SLC15A5: variants seen among roughly 807,000 people sequenced by gnomAD.
The protein encoded by SLC15A5 is Peptide/histidine transporter ENSP00000340402.
In SLC15A5, 58 loss-of-function variants were observed where a neutral mutation model predicts 56.1. The observed-to-expected ratio is 1.03, with a 90% CI of 0.84 to 1.29. The LOEUF (loss-of-function observed/expected upper bound fraction) is 1.29, where lower values mean the gene tolerates loss of function less well. Ranked by LOEUF, SLC15A5 falls within the 50% of genes most tolerant of loss-of-function variation. The pLI is 0.00. For missense variants in SLC15A5, 681 were observed against 672.1 expected (o/e 1.01, Z -0.15); for synonymous variants, 264 against 250.5 (o/e 1.05, Z -0.51).
chr12:16,260,943 A>G (rs921454503), intron 2 of SLC15A5, among the ~76,000 whole-genome samples: 1 of 152,142 alleles, frequency 6.6e-6, no homozygotes, highest in African/African-American at 2.4e-5. Context: ...GTTGAAAATC[A>G]ATTGACCATA....
At chr12:16,251,116 A>T in intron 3 of SLC15A5, among the ~76,000 whole-genome samples, 1 of 152,006 alleles carries the variant, frequency 6.6e-6, no homozygotes, top group Admixed American at 6.6e-5. Flanking sequence ...ATCACAAGGG[A>T]ATTTAGAAAA....
At chr12:16,228,809 A>G (rs1864267888) in intron 5 of SLC15A5, among the ~76,000 whole-genome samples, 1 of 149,388 alleles carries the variant, frequency 6.7e-6, no homozygotes, top group Non-Finnish European at 1.5e-5. Context: ...AGAATACACT[A>G]TGTAATACAT....
At chr12:16,250,202 T>C (rs1864506212) in intron 3 of SLC15A5, among the ~76,000 whole-genome samples, 1 of 151,988 alleles carries the variant, frequency 6.6e-6, no homozygotes, top group Non-Finnish European at 1.5e-5. Flanking sequence ...AGCTTAACAA[T>C]AACAAACACT....
At chr12:16,219,440 A>C (rs1253313578) in intron 6 of SLC15A5, among the ~76,000 whole-genome samples, 1 of 152,228 alleles carries the variant, frequency 6.6e-6, no homozygotes, top group African/African-American at 2.4e-5. Context: ...GGAGACAAGC[A>C]ATGAGCAGAA....
At chr12:16,199,304 C>CAAAAAAAA (rs10687463) in intron 7 of SLC15A5, among the ~76,000 whole-genome samples, 2 of 91,336 alleles carry the variant, frequency 2.2e-5, no homozygotes, top group African/African-American at 8.5e-5. Flanking sequence ...TAGACTGTCT[C>CAAAAAAAA]AAAAAAAAAA....
intron 7 of SLC15A5, among the ~76,000 whole-genome samples, chr12:16,211,913 C>A (rs1336706158): frequency 6.6e-6 from 1 of 152,144 alleles, no homozygotes; most frequent in African/African-American, 2.4e-5. Flanking sequence ...ACACCATTCT[C>A]CATTATGGTG....
At chr12:16,232,583 G>GA (rs1591650003) in intron 5 of SLC15A5, among the ~76,000 whole-genome samples, 1 of 152,024 alleles carries the variant, frequency 6.6e-6, no homozygotes, top group Non-Finnish European at 1.5e-5. Flanking sequence ...TTCCGTTTAG[G>GA]AAAAAAAGAT....
At position 16,189,187 on chromosome 12, in the gene SLC15A5, A is replaced by C. The variant is rs1358977349; in HGVS notation, c.*481T>G. On this transcript the variant is annotated 3_prime_UTR_variant, in exon 9 of 9. Coordinates refer to ENST00000344941, the MANE Select transcript of SLC15A5 (RefSeq NM_001170798.1). ...CATAATATTAACAGCAAATATAGAA[A>C]ATCATGTATATGTTTATTATTTACT... 6.6e-6 allele frequency: 1 copy of C among 152,212 alleles called. No individual in the cohort carries two copies. The highest frequency in any genetic ancestry group is 1.5e-5 in the Non-Finnish European group (1 of 68,048). 9.4% of individuals were successfully genotyped at this position (152,212 alleles called of 1,614,324 possible).
rs1864367119 is a variant in SLC15A5 at position 16,237,870 on chromosome 12, G to T, written c.1162+1811C>A. 6.6e-6 allele frequency among the ~76,000 whole-genome samples: 1 copy of T among 152,062 alleles called. No homozygotes were observed. The highest frequency in any genetic ancestry group is 2.1e-4 in the South Asian group (1 of 4,822). The stretch of plus-strand genomic sequence containing the variant: ...CCTGCATGCATTATGTTTCAATCAT[G>T]GACTTGCTGAAGGTATATACAAACC... On this transcript the variant is annotated intron_variant, in intron 5 of 8. Transcript: ENST00000344941. The surrounding 1 kb of genome is among the most constrained non-coding windows in gnomAD (Gnocchi z 4.1).
rs1757310055 is a variant in SLC15A5 at position 16,196,406 on chromosome 12, GC to G, written c.1484-1954del. On this transcript the variant is annotated intron_variant, in intron 7 of 8. Transcript: ENST00000344941. The surrounding 1 kb of genome is among the most constrained non-coding windows in gnomAD (Gnocchi z 4.0). ...TGTGTGTGTGCATGTGTGTGTGTGT[GC>G]CCGTGCATGTGTGCACACAGGAACT... is the stretch of plus-strand genomic sequence containing the variant. Among the ~76,000 whole-genome samples the G allele has an allele frequency of 6.6e-6, 1 of 151,966 alleles. No individual in the cohort carries two copies. The highest frequency in any genetic ancestry group is 1.5e-5 in the Non-Finnish European group (1 of 67,958).
chr12:16,240,136 A>G (rs1017616508), intron 4 of SLC15A5, among the ~76,000 whole-genome samples: 18 of 152,196 alleles, frequency 1.2e-4, no homozygotes, highest in African/African-American at 4.1e-4. Flanking sequence ...AAAAGTAATG[A>G]TGGCCCCAAT....
chr12:16,274,147 C>T (rs546196799), intron 1 of SLC15A5, among the ~76,000 whole-genome samples: 1 of 151,914 alleles, frequency 6.6e-6, no homozygotes, highest in African/African-American at 2.4e-5. Context: ...TAAATGAATA[C>T]TGTAAAATAC....
chr12:16,249,445 A>T (rs1221138444), intron 3 of SLC15A5, among the ~76,000 whole-genome samples: 3 of 152,060 alleles, frequency 2.0e-5, no homozygotes, highest in Admixed American at 6.6e-5. Flanking sequence ...AGTAAACAAA[A>T]CAAGCAAAAC....
At position 16,243,080 on chromosome 12, in the gene SLC15A5, A is replaced by G. The variant is rs1465771925; in HGVS notation, c.975+1500T>C. On this transcript the variant is annotated intron_variant, in intron 4 of 8. Coordinates refer to ENST00000344941, the MANE Select transcript of SLC15A5 (RefSeq NM_001170798.1). The surrounding 1 kb of genome is among the most constrained non-coding windows in gnomAD (Gnocchi z 4.4). The stretch of plus-strand genomic sequence containing the variant: ...ATGTCCACATATGGGTTCCGTGGCA[A>G]TTACTCAACTCTGCTATTTTTGTGC... Among the ~76,000 whole-genome samples, 4 of 152,214 alleles carry G rather than the reference A, an allele frequency of 2.6e-5. No homozygotes were observed. The highest frequency in any genetic ancestry group is 4.4e-5 in the Non-Finnish European group (3 of 68,034).
rs1565666777 is a variant in SLC15A5, at chr12:16,237,545, A to T, written c.1162+2136T>A. ...ACAATATACTAAATAACTCTGTCTA[A>T]CTTTTCTAAATCCAGAAAAAAAGTA... On this transcript the variant is annotated intron_variant, in intron 5 of 8. Coordinates refer to ENST00000344941, the MANE Select transcript of SLC15A5 (RefSeq NM_001170798.1). The surrounding 1 kb of genome is among the most constrained non-coding windows in gnomAD (Gnocchi z 4.1). Among the ~76,000 whole-genome samples, 1 of 152,186 alleles carries T rather than the reference A, an allele frequency of 6.6e-6. No individual in the cohort carries two copies. Among genetic ancestry groups the T allele is most frequent in the Non-Finnish European group, 1.5e-5 (1 of 68,022 alleles).
rs1442016926 is a variant in SLC15A5, at chr12:16,269,204, A to G, written c.584+3357T>C. Among the ~76,000 whole-genome samples the G allele has an allele frequency of 1.3e-5, 2 of 152,208 alleles. No homozygotes were observed. The highest frequency in any genetic ancestry group is 3.8e-4 in the East Asian group (2 of 5,196). ...AATAGACTAAGACAGTACTTGTTTAAAATATGCATTTCCCACCTGTCCTCC... is the reference window on the plus strand; with the variant it reads ...AATAGACTAAGACAGTACTTGTTTAGAATATGCATTTCCCACCTGTCCTCC... On this transcript the variant is annotated intron_variant, in intron 2 of 8. Transcript: ENST00000344941. This position sits in a 1 kb window ranked among gnomAD's most constrained non-coding sequence, Gnocchi z 4.7.
intron 5 of SLC15A5, among the ~76,000 whole-genome samples, chr12:16,233,752 T>C (rs1380588127): frequency 1.3e-5 from 2 of 152,196 alleles, no homozygotes; most frequent in East Asian, 3.9e-4. Flanking sequence ...ACCAGTAGTG[T>C]AGGTATCACC....
At position 16,224,529 on chromosome 12, in the gene SLC15A5, A is replaced by G; in HGVS notation, c.1236T>C (p.Pro412=). 3 of 1,537,204 alleles carry G rather than the reference A, an allele frequency of 2.0e-6. No individual in the cohort carries two copies. Among genetic ancestry groups the G allele is most frequent in the Non-Finnish European group, 1.7e-6 (2 of 1,146,860 alleles). Residue 412 remains proline (P), a synonymous_variant, in exon 6 of 9, where the codon CCT becomes CCC. Transcript: ENST00000344941. The part of the protein sequence containing the change: ...GFFEIHRKHF[P]AVEQPLSGKV... ...TTCCTGAAAGGGGCTGCTCCACTGC[A>G]GGGAAATGTTTTCGGTGTATTTCAA...
chr12:16,272,561 C>G lies in SLC15A5; in HGVS notation c.584G>C (p.Trp195Ser). 1 of 1,536,442 alleles carries G rather than the reference C, an allele frequency of 6.5e-7. No homozygotes were observed. The highest frequency in any genetic ancestry group is 1.4e-5 in the African/African-American group (1 of 73,106). ...TTCTCTCCTAGCCAGTGCTACTTAC[C>G]AGTTAAAAAAAGACATCGTTTTTTG... ...GSQKTMSFFN[W>S]FYWLMNLNAT... The change falls in exon 2 of 9, where the codon TGG (tryptophan) becomes TCG (serine). Residue 195 changes from tryptophan (W) to serine (S), a missense_variant and splice_region_variant. Transcript: ENST00000344941.
Sources: allele counts gnomAD v4.1 joint callset (sites outside exome capture counted in the v4.1 genomes callset), GRCh38; gene constraint gnomAD v4.1.1; non-coding constraint Gnocchi (gnomAD v3.1); transcripts MANE v1.5; gene names NCBI Gene and HGNC (gene_info 2026-07-23, HGNC 2026-07-21).